Variants in OSBPL6 observed in about 807,000 individuals in gnomAD.
OSBPL6 encodes the protein oxysterol-binding protein-related protein 6.
Under a neutral mutation model 125.8 loss-of-function variants are expected in OSBPL6, and 49 were observed. That is an observed-to-expected ratio of 0.39 (90% confidence interval 0.31 to 0.49). The LOEUF (loss-of-function observed/expected upper bound fraction) is 0.49. Ranked by LOEUF, OSBPL6 falls within the 20% of genes least tolerant of loss-of-function variation. The probability of loss-of-function intolerance (pLI) is 0.88; values close to 1 mark genes in which losing one functional copy is unlikely to be tolerated. For missense variants in OSBPL6, 986 were observed against 1,135.4 expected, an observed-to-expected ratio of 0.87 and a Z score of 1.89; for synonymous variants, 394 against 391.8, an observed-to-expected ratio of 1.01 and a Z score of -0.07.
chr2:178,362,170 G>A lies in OSBPL6; in HGVS notation c.1287+355G>A, dbSNP rs141675774. Among the ~76,000 whole-genome samples the A allele has an allele frequency of 1.4e-3, 208 of 152,102 alleles. 1 individual carries two copies. Among genetic ancestry groups the A allele is most frequent in the African/African-American group, 4.8e-3 (198 of 41,480 alleles). Reference sequence around the variant, plus strand: ...TGAAATGTGTTCCAGGATATATTCAGTCCAATAGTGAATATTTTTTAAAAA... The same window carrying A: ...TGAAATGTGTTCCAGGATATATTCAATCCAATAGTGAATATTTTTTAAAAA... On this transcript the variant is annotated intron_variant, in intron 13 of 24. Coordinates refer to ENST00000190611, the MANE Select transcript of OSBPL6 (RefSeq NM_032523.4).
At chr2:178,231,748 G>A (rs1282975757) in intron 1 of OSBPL6, among the ~76,000 whole-genome samples, 1 of 148,114 alleles carries the variant, frequency 6.8e-6, no homozygotes, top group Non-Finnish European at 1.5e-5. Flanking sequence ...CTGGCCTCAA[G>A]TGATCCTCCT....
intron 1 of OSBPL6, among the ~76,000 whole-genome samples, chr2:178,224,271 A>G (rs984720027): frequency 6.6e-6 from 1 of 152,230 alleles, no homozygotes; most frequent in Non-Finnish European, 1.5e-5. Flanking sequence ...GAATAAGAGC[A>G]AATGATTTGT....
At chr2:178,248,491 A>G (rs1223620797) in intron 1 of OSBPL6, among the ~76,000 whole-genome samples, 1 of 152,202 alleles carries the variant, frequency 6.6e-6, no homozygotes, top group African/African-American at 2.4e-5. Flanking sequence ...AAACAAACAT[A>G]TAATCCAATT....
chr2:178,329,676 C>T (rs958364288), intron 5 of OSBPL6, among the ~76,000 whole-genome samples: 8 of 152,128 alleles, frequency 5.3e-5, no homozygotes, highest in Admixed American at 1.3e-4. Flanking sequence ...CTGCCTGCCT[C>T]GGCCTCCCAA....
chr2:178,370,389 A>G (rs1693263744), intron 13 of OSBPL6, among the ~76,000 whole-genome samples: 1 of 152,220 alleles, frequency 6.6e-6, no homozygotes, highest in African/African-American at 2.4e-5. Flanking sequence ...AACTAAGGCA[A>G]CTATGCATTT....
chr2:178,354,994 A>C (rs936856400), intron 12 of OSBPL6, among the ~76,000 whole-genome samples: 7 of 152,194 alleles, frequency 4.6e-5, no homozygotes, highest in African/African-American at 1.7e-4. Context: ...CTACTGGGTA[A>C]TTAACGAAAT....
intron 1 of OSBPL6, among the ~76,000 whole-genome samples, chr2:178,284,355 C>A (rs1308145679): frequency 6.6e-6 from 1 of 152,136 alleles, no homozygotes; most frequent in African/African-American, 2.4e-5. Flanking sequence ...GAGTTCGAGA[C>A]CAGCCTGGCC....
upstream of OSBPL6, chr2:178,194,331 G>T (rs909503204): frequency 6.6e-6 from 1 of 152,248 alleles, no homozygotes; most frequent in Non-Finnish European, 1.5e-5. Flanking sequence ...AGGGGCGCCC[G>T]GTAGGGCGGG....
chr2:178,393,307 C>G (rs889558883), intron 23 of OSBPL6, among the ~76,000 whole-genome samples: 1 of 152,150 alleles, frequency 6.6e-6, no homozygotes, highest in Admixed American at 6.5e-5. Context: ...TGGTTTTGAT[C>G]CCACAGAGTA....
intron 1 of OSBPL6, among the ~76,000 whole-genome samples, chr2:178,260,949 T>C (rs1389204405): frequency 1.3e-5 from 2 of 151,860 alleles, no homozygotes; most frequent in Non-Finnish European, 2.9e-5. Flanking sequence ...CTGGCCAACA[T>C]GGCAAAACTC....
At chr2:178,367,226 G>A (rs576556153) in intron 13 of OSBPL6, among the ~76,000 whole-genome samples, 14 of 152,122 alleles carry the variant, frequency 9.2e-5, no homozygotes, top group East Asian at 1.9e-4. Context: ...GCTACCAACA[G>A]TCGGGTAGTA....
intron 2 of OSBPL6, among the ~76,000 whole-genome samples, chr2:178,286,478 T>C (rs549140512): frequency 6.6e-6 from 1 of 152,260 alleles, no homozygotes; most frequent in South Asian, 2.1e-4. Context: ...TATTATTTTA[T>C]ATAAAATGTA....
At chr2:178,297,028 G>A (rs1181193419) in intron 2 of OSBPL6, among the ~76,000 whole-genome samples, 1 of 152,156 alleles carries the variant, frequency 6.6e-6, no homozygotes, top group East Asian at 1.9e-4. Context: ...TCAGGTGCCA[G>A]GTGCCATAAT....
chr2:178,331,684 C>G, intron 6 of OSBPL6, 79 bp downstream of exon 6: 2 of 1,448,686 alleles, frequency 1.4e-6, no homozygotes, highest in Non-Finnish European at 1.9e-6. Context: ...ATTGTACAAG[C>G]CTTGTGCCAT....
At chr2:178,331,528 A>T (rs768797291) in intron 5 of OSBPL6, 24 bp from the exon 6 acceptor site, 1 of 1,613,696 alleles carries the variant, frequency 6.2e-7, no homozygotes, top group Non-Finnish European at 8.5e-7. Context: ...ACAGACAGTA[A>T]CTGGGGGTGT....
At chr2:178,233,851 T>C (rs2090938941) in intron 1 of OSBPL6, among the ~76,000 whole-genome samples, 1 of 152,198 alleles carries the variant, frequency 6.6e-6, no homozygotes, top group South Asian at 2.1e-4. Flanking sequence ...TGGCACATGA[T>C]AATTCTTCTA....
chr2:178,295,944 G>A (rs918886701), intron 2 of OSBPL6, among the ~76,000 whole-genome samples: 2 of 152,062 alleles, frequency 1.3e-5, no homozygotes, highest in Non-Finnish European at 2.9e-5. Flanking sequence ...TAAAATTCTT[G>A]TTCCAAAACT....
chr2:178,358,337 G>T (rs912059087), intron 12 of OSBPL6, among the ~76,000 whole-genome samples: 1 of 152,132 alleles, frequency 6.6e-6, no homozygotes, highest in African/African-American at 2.4e-5. Flanking sequence ...CATGCTTCCT[G>T]ATTTAAAATT....
At chr2:178,248,801 AT>A (rs71023434) in intron 1 of OSBPL6, among the ~76,000 whole-genome samples, 3 of 152,156 alleles carry the variant, frequency 2.0e-5, no homozygotes, top group Non-Finnish European at 4.4e-5. Flanking sequence ...CAATGCTGCC[AT>A]TTTGAAAAAC....
Sources: gnomAD v4.1 joint callset for allele counts (sites outside exome capture counted in the v4.1 genomes callset) on GRCh38, gnomAD v4.1.1 for gene constraint, MANE v1.5 for transcripts, NCBI Gene and HGNC (gene_info 2026-07-23, HGNC 2026-07-21) for gene names.